The following CRLS1 variants were observed in gnomAD, a reference collection of about 807,000 sequenced individuals.
The protein encoded by CRLS1 is cardiolipin synthase 1.
In CRLS1, 24 loss-of-function variants were observed where a neutral mutation model predicts 37.0. The observed-to-expected ratio is 0.65, with a 90% confidence interval of 0.47 to 0.91. The LOEUF is 0.91. CRLS1 is among the 40% of genes least tolerant of loss of function. The pLI is 0.00. For missense variants in CRLS1, 373 were observed against 395.8 expected, an observed-to-expected ratio of 0.94 and a Z score of 0.49; for synonymous variants, 135 against 159.7, an observed-to-expected ratio of 0.85 and a Z score of 1.17.
intron 3 of CRLS1, among the ~76,000 whole-genome samples, chr20:6,030,947 C>T (rs765956998): frequency 1.3e-5 from 2 of 151,974 alleles, no homozygotes; most frequent in Non-Finnish European, 2.9e-5. Context: ...GAGGAGATAG[C>T]GCTGAGTAGA....
rs2090109615 is a variant in CRLS1, at chr20:6,009,872, T to C, written c.404T>C (p.Ile135Thr). 6.2e-7 allele frequency: 1 copy of C among 1,614,076 alleles called. No homozygotes were observed. Among genetic ancestry groups the C allele is most frequent in the African/African-American group, 1.3e-5 (1 of 75,056 alleles). ...GYLIIEEDFN[I>T]ALGVFALAGL... ...TTGATTATTGAAGAAGATTTTAATATTGCACTAGGAGTTTTTGCTTTAGCT... is the reference window on the plus strand; with the variant it reads ...TTGATTATTGAAGAAGATTTTAATACTGCACTAGGAGTTTTTGCTTTAGCT... Residue 135 changes from isoleucine to threonine, a missense_variant, in exon 2 of 7, where the codon ATT becomes ACT. Transcript: ENST00000378863.
intron 3 of CRLS1, among the ~76,000 whole-genome samples, chr20:6,016,752 C>G (rs908945248): frequency 1.3e-5 from 2 of 152,142 alleles, no homozygotes; most frequent in African/African-American, 4.8e-5. Context: ...GCTGAGACTT[C>G]CCTTCACTGG....
intron 5 of CRLS1, among the ~76,000 whole-genome samples, chr20:6,033,020 C>T (rs370026470): frequency 7.9e-5 from 12 of 151,874 alleles, no homozygotes; most frequent in African/African-American, 1.9e-4. Context: ...TAAAGAGGTA[C>T]GGGGACAAGT....
intron 6 of CRLS1, among the ~76,000 whole-genome samples, chr20:6,036,385 G>C (rs867273226): frequency 6.6e-6 from 1 of 152,202 alleles, no homozygotes; most frequent in South Asian, 2.1e-4. Context: ...GCAGAAGTGC[G>C]TGGGCGCACT....
At chr20:6,019,512 C>CTTTTTTTTTTTTTTTTTTTCTT in intron 3 of CRLS1, among the ~76,000 whole-genome samples, 1 of 118,488 alleles carries the variant, frequency 8.4e-6, no homozygotes. Context: ...TTTTTTGTCC[C>CTTTTTTTTTTTTTTTTTTTCTT]TTTTTTTTTT....
intron 3 of CRLS1, among the ~76,000 whole-genome samples, chr20:6,019,058 G>A (rs372635910): frequency 3.3e-5 from 5 of 151,480 alleles, no homozygotes; most frequent in African/African-American, 1.2e-4. Flanking sequence ...AATGAATTGG[G>A]GACTTTTTTT....
chr20:6,015,541 AG>A, intron 3 of CRLS1, 51 bp downstream of exon 3: 7 of 1,569,436 alleles, frequency 4.5e-6, no homozygotes, highest in Non-Finnish European at 6.1e-6. Flanking sequence ...GAATGACATT[AG>A]TCAGCTTAGG....
intron 3 of CRLS1, chr20:6,028,198 A>G (rs187582485): frequency 9.6e-4 from 146 of 152,250 alleles, no homozygotes; most frequent in African/African-American, 3.1e-3. Context: ...AGATCAAGAA[A>G]TTTTTTTGCT....
At chr20:6,010,070 A>G (rs1263464285) in intron 2 of CRLS1, among the ~76,000 whole-genome samples, 158 bp downstream of exon 2, 1 of 106,384 alleles carries the variant, frequency 9.4e-6, no homozygotes, top group Non-Finnish European at 1.9e-5. Flanking sequence ...TTTAGCATCT[A>G]TATGGGATTT....
intron 3 of CRLS1, among the ~76,000 whole-genome samples, chr20:6,019,935 A>G (rs954474041): frequency 1.3e-5 from 2 of 150,926 alleles, no homozygotes; most frequent in South Asian, 2.1e-4. Context: ...AGGTGCCTCT[A>G]CCTCTCAAAG....
Position 6,038,178 on chromosome 20 carries a change from C to A in CRLS1, c.*1020C>A, listed in dbSNP as rs1980708275. The A allele has an allele frequency of 6.6e-6, 1 of 152,202 alleles. No homozygotes were observed. Among genetic ancestry groups the A allele is most frequent in the East Asian group, 1.9e-4 (1 of 5,198 alleles). 9.4% of individuals were successfully genotyped at this position (152,202 alleles called of 1,614,324 possible). A position where few individuals can be genotyped will look rare whatever the true frequency, so the allele number is the denominator to read the frequency against. On this transcript the variant is annotated 3_prime_UTR_variant, in exon 7 of 7. Transcript: ENST00000378863. ...AAAAATAATTAGTCTGACCATCTGA[C>A]TTTAAAAGACTGTTGCTACACGTAC...
At chr20:6,009,974 C>T (rs543566259) in intron 2 of CRLS1, 62 bp downstream of exon 2, 65 of 1,520,462 alleles carry the variant, frequency 4.3e-5, no homozygotes, top group East Asian at 1.9e-4. Context: ...ACTACTAAAC[C>T]GAAATAGCAT....
intron 3 of CRLS1, among the ~76,000 whole-genome samples, chr20:6,021,525 G>A (rs1979287581): frequency 6.6e-6 from 1 of 152,042 alleles, no homozygotes; most frequent in South Asian, 2.1e-4. Flanking sequence ...AGCTCTGCTG[G>A]CTTGCTTTTG....
intron 6 of CRLS1, among the ~76,000 whole-genome samples, chr20:6,034,758 T>G (rs1232780574): frequency 6.6e-6 from 1 of 152,060 alleles, no homozygotes; most frequent in African/African-American, 2.4e-5. Flanking sequence ...TTAAAAGGGA[T>G]AAAAGGTACT....
chr20:6,037,039 G>A, intron 6 of CRLS1, 35 bp from the exon 7 acceptor site: 1 of 1,479,506 alleles, frequency 6.8e-7, no homozygotes, highest in Non-Finnish European at 9.4e-7. Context: ...TTTTAGACTT[G>A]ACAACTACAT....
At chr20:6,019,616 T>A (rs539660332) in intron 3 of CRLS1, among the ~76,000 whole-genome samples, 1 of 151,838 alleles carries the variant, frequency 6.6e-6, no homozygotes, top group South Asian at 2.1e-4. Context: ...TGATCTGTTG[T>A]TTACTACTTC....
At position 6,011,625 on chromosome 20, in the gene CRLS1, G is replaced by A. The variant is rs148200054; in HGVS notation, c.444+1713G>A. Among the ~76,000 whole-genome samples, 235 of 78,036 alleles carry A rather than the reference G, an allele frequency of 3.0e-3. 3 individuals carry two copies. The highest frequency in any genetic ancestry group is 0.011 in the African/African-American group (227 of 21,462). 51.2% of individuals were successfully genotyped at this position (78,036 alleles called of 152,430 possible). On this transcript the variant is annotated intron_variant, in intron 2 of 6. Coordinates refer to ENST00000378863, the MANE Select transcript of CRLS1 (RefSeq NM_019095.6). The stretch of plus-strand genomic sequence containing the variant: ...TTTTTTTGGGGAGACTGACTCTGTC[G>A]CCCAGGCTGGAGTGCAGTGGCGTGA...
intron 5 of CRLS1, among the ~76,000 whole-genome samples, 198 bp downstream of exon 5, chr20:6,032,278 C>T (rs1368134122): frequency 1.3e-5 from 2 of 151,630 alleles, no homozygotes; most frequent in African/African-American, 2.4e-5. Context: ...CATGTTGTGC[C>T]TTGAGTTGGT....
chr20:6,007,289 A>G, intron 1 of CRLS1: 1 of 1,565,836 alleles, frequency 6.4e-7, no homozygotes, highest in South Asian at 1.2e-5. Flanking sequence ...AGATCCTGGC[A>G]GGGGTCTCAA....
Sources: allele counts gnomAD v4.1 joint callset (sites outside exome capture counted in the v4.1 genomes callset), GRCh38; gene constraint gnomAD v4.1.1; transcripts MANE v1.5; gene names NCBI Gene and HGNC (gene_info 2026-07-23, HGNC 2026-07-21).